CAMK2G: variants seen among roughly 807,000 people sequenced by gnomAD.
CAMK2G encodes the protein calcium/calmodulin dependent protein kinase II gamma.
A neutral mutation model predicts 88.7 loss-of-function variants in CAMK2G; 23 were observed. That is an observed-to-expected ratio of 0.26 (90% CI 0.19 to 0.37). The LOEUF (loss-of-function observed/expected upper bound fraction) is 0.37. Among genes scored for constraint, CAMK2G ranks in the 10% least tolerant of loss-of-function variants. CAMK2G has a pLI of 1.00. For missense variants in CAMK2G, 476 were observed against 780.8 expected, an observed-to-expected ratio of 0.61 and a Z score of 4.65; for synonymous variants, 263 against 294.8, an observed-to-expected ratio of 0.89 and a Z score of 1.11.
chr10:73,873,139 C>T (rs1042802325), intron 1 of CAMK2G, 56 bp from the exon 2 acceptor site: 7 of 1,255,676 alleles, frequency 5.6e-6, no homozygotes, highest in Non-Finnish European at 7.0e-6. Flanking sequence ...GTGACACAGA[C>T]ACACTTCAAG....
At chr10:73,873,481 T>A in intron 1 of CAMK2G, 1 of 1,035,578 alleles carries the variant, frequency 9.7e-7, no homozygotes, top group African/African-American at 1.7e-5. Flanking sequence ...GCAGGAACAG[T>A]TGAAGGTCGG....
intron 18 of CAMK2G, among the ~76,000 whole-genome samples, chr10:73,820,464 T>TTATA (rs71483976): frequency 0.044 from 3,232 of 73,360 alleles, 192 homozygotes; most frequent in Non-Finnish European, 0.05. Context: ...GGTTTTATAT[T>TTATA]TATATATATA....
chr10:73,856,499 G>A (rs2095050261), intron 3 of CAMK2G, among the ~76,000 whole-genome samples: 1 of 152,236 alleles, frequency 6.6e-6, no homozygotes, highest in Non-Finnish European at 1.5e-5. Flanking sequence ...AGAGGAGCCG[G>A]CCCTGCCACC....
At position 73,839,710 on chromosome 10, in the gene CAMK2G, C is replaced by A; in HGVS notation, c.947-109G>T. 3.3e-6 allele frequency: 2 copies of A among 602,482 alleles called. No homozygotes were observed. Among genetic ancestry groups the A allele is most frequent in the Non-Finnish European group, 2.4e-6 (1 of 413,506 alleles). 37.3% of individuals were successfully genotyped at this position (602,482 alleles called of 1,614,324 possible). On this transcript the variant is annotated intron_variant, in intron 12 of 22. Transcript: ENST00000423381. The surrounding 1 kb of genome is among the most constrained non-coding windows in gnomAD (Gnocchi z 4.2). The stretch of plus-strand genomic sequence containing the variant: ...AGCCCAGGCGGCGTGGCCAAGCCAG[C>A]CGAGCTGGGGGAGCGGAGCGCCAGG...
intron 13 of CAMK2G, among the ~76,000 whole-genome samples, chr10:73,837,788 C>G (rs2242256): frequency 0.34 from 51,336 of 151,978 alleles, 9,765 homozygotes; most frequent in East Asian, 0.63. Flanking sequence ...CTGGAGCCGC[C>G]TGGGGCACTG....
Position 73,817,201 on chromosome 10 carries a change from A to C in CAMK2G, c.1440-84T>G, listed in dbSNP as rs2085926581. The C allele has an allele frequency of 2.6e-6, 4 of 1,526,486 alleles. No homozygotes were observed. In the African/African-American group the frequency reaches 4.2e-5, roughly 16 times the overall value. The allele number at this position is 1,526,486 out of a possible 1,614,324, so 94.6% of individuals were successfully genotyped here. ...TCCTTATCAGCGGTGTCTATCCAGT[A>C]GCAGCAGGCTACCTGTGGCCATGCC... On this transcript the variant is annotated intron_variant, in intron 20 of 22. Transcript: ENST00000423381.
chr10:73,833,640 G>T (rs2134011920), intron 14 of CAMK2G, among the ~76,000 whole-genome samples: 1 of 148,178 alleles, frequency 6.7e-6, no homozygotes, highest in Admixed American at 6.8e-5. Flanking sequence ...CTGTCCCCCA[G>T]GCTGGAGTGC....
intron 21 of CAMK2G, 160 bp downstream of exon 21, chr10:73,816,863 C>T (rs2085747123): frequency 6.3e-7 from 1 of 1,597,966 alleles, no homozygotes; most frequent in Non-Finnish European, 8.5e-7. Flanking sequence ...TGCCTGTCTA[C>T]AACCATCGGG....
rs911371425 is a variant in CAMK2G at position 73,813,116 on chromosome 10, T to C, written c.*1402A>G. The stretch of plus-strand genomic sequence containing the variant: ...GTTGTTTTGAGGGAAACCAAGGCCA[T>C]GACCAATTGCTCCTCCATTATCTTC... On this transcript the variant is annotated 3_prime_UTR_variant, in exon 23 of 23. Transcript: ENST00000423381. 1 of 152,728 alleles carries C rather than the reference T, an allele frequency of 6.5e-6. No homozygotes were observed. Among genetic ancestry groups the C allele is most frequent in the Non-Finnish European group, 1.5e-5 (1 of 68,076 alleles). 9.5% of individuals were successfully genotyped at this position (152,728 alleles called of 1,614,324 possible).
At position 73,874,461 on chromosome 10, in the gene CAMK2G, T is replaced by TGCTG. The variant is rs1401754081; in HGVS notation, c.-4_-1dup. On this transcript the variant is annotated 5_prime_UTR_variant, in exon 1 of 23. Transcript: ENST00000423381. ...CGGGTGCAGGTGGCGGTGGTGGCCA[T>TGCTG]GCTGGCGGGCGGGCGGACGCGGCGG... 3.3e-6 allele frequency: 5 copies of TGCTG among 1,499,392 alleles called. No individual in the cohort carries two copies. In the African/African-American group the frequency reaches 5.8e-5, roughly 17 times the overall value. 92.9% of individuals were successfully genotyped at this position (1,499,392 alleles called of 1,614,324 possible). A position where few individuals can be genotyped will look rare whatever the true frequency, so the allele number is the denominator to read the frequency against.
At chr10:73,841,426 T>C (rs2093778437) in intron 12 of CAMK2G, among the ~76,000 whole-genome samples, 1 of 152,092 alleles carries the variant, frequency 6.6e-6, no homozygotes, top group African/African-American at 2.4e-5. Flanking sequence ...ACATTAATCT[T>C]TTCCTCACAA....
intron 10 of CAMK2G, among the ~76,000 whole-genome samples, chr10:73,844,734 T>A (rs1362271575): frequency 6.6e-6 from 1 of 152,140 alleles, no homozygotes; most frequent in Non-Finnish European, 1.5e-5. Flanking sequence ...AATCTAAGTA[T>A]CACCATTTAT....
At chr10:73,845,669 C>T (rs1038652755) in intron 10 of CAMK2G, among the ~76,000 whole-genome samples, 12 of 151,982 alleles carry the variant, frequency 7.9e-5, no homozygotes, top group South Asian at 2.1e-4. Flanking sequence ...TACAACTCTC[C>T]GCTCAACTTG....
At chr10:73,819,252 G>C (rs879648619) in intron 19 of CAMK2G, among the ~76,000 whole-genome samples, 1 of 152,086 alleles carries the variant, frequency 6.6e-6, no homozygotes, top group Non-Finnish European at 1.5e-5. Context: ...TCAGCGCTGA[G>C]GCAAGGCCCA....
At chr10:73,815,284 GC>G in intron 21 of CAMK2G, 37 bp from the exon 22 acceptor site, 1 of 1,386,346 alleles carries the variant, frequency 7.2e-7, no homozygotes, top group Non-Finnish European at 1.0e-6. Flanking sequence ...AGGACATCAG[GC>G]CTGGGCACCT....
chr10:73,818,796 TGG>T, intron 19 of CAMK2G: 1 of 456,208 alleles, frequency 2.2e-6, no homozygotes, highest in Non-Finnish European at 4.4e-6. Context: ...ATGACCTGAC[TGG>T]GGCCCCACGG....
At chr10:73,815,893 T>C in intron 21 of CAMK2G, 1 of 984,292 alleles carries the variant, frequency 1.0e-6, no homozygotes, top group Non-Finnish European at 1.2e-6. Context: ...TTGCTTTTAT[T>C]GAGATTCACA....
intron 3 of CAMK2G, among the ~76,000 whole-genome samples, chr10:73,858,650 CTG>C (rs2095215894): frequency 6.6e-6 from 1 of 152,212 alleles, no homozygotes. Flanking sequence ...AAAAGAGTGA[CTG>C]TGCCCCACCT....
In CAMK2G at chr10:73,839,548, C is replaced by T. The variant is rs2093589288; in HGVS notation, c.1000G>A (p.Ala334Thr). Residue 334 changes from alanine (A) to threonine (T), a missense_variant, in exon 13 of 23, where the codon GCC (alanine) becomes ACC (threonine). By Grantham distance (58) the Ala-to-Thr change is moderately conservative. Transcript: ENST00000423381. This position sits in a 1 kb window ranked among gnomAD's most constrained non-coding sequence, Gnocchi z 4.2. Reference sequence around the variant, plus strand: ...GACTCATGCCACGTACCTTGCCCGGCCAGGCCGGCGGCGCTCGCGGCAGGC... The same window carrying T: ...GACTCATGCCACGTACCTTGCCCGGTCAGGCCGGCGGCGCTCGCGGCAGGC... The part of the protein sequence containing the change: ...ASPAASAAGL[A>T]GQAAKSLLNK... The T allele has an allele frequency of 2.4e-6, 3 of 1,234,924 alleles. No individual in the cohort carries two copies. The highest frequency in any genetic ancestry group is 3.0e-6 in the Non-Finnish European group (3 of 987,784). The allele number at this position is 1,234,924 out of a possible 1,614,324, so 76.5% of individuals were successfully genotyped here.
Sources: gnomAD v4.1 joint callset for allele counts (sites outside exome capture counted in the v4.1 genomes callset) on GRCh38, gnomAD v4.1.1 for gene constraint, Gnocchi (gnomAD v3.1) non-coding constraint, MANE v1.5 for transcripts, NCBI Gene and HGNC (gene_info 2026-07-23, HGNC 2026-07-21) for gene names.